MCM9: variants seen among roughly 807,000 people sequenced by gnomAD.
The protein encoded by MCM9 is minichromosome maintenance 9 homologous recombination repair factor.
MCM9 carries 55 observed loss-of-function variants against 72.8 expected under a neutral mutation model. The observed-to-expected ratio is 0.76, with a 90% CI of 0.61 to 0.95. MCM9 has a LOEUF of 0.95. MCM9 is among the 40% of genes least tolerant of loss of function. MCM9 has a pLI of 0.00. For synonymous variants in MCM9, 480 were observed against 503.4 expected, an observed-to-expected ratio of 0.95 and a Z score of 0.62; for missense variants, 1,279 against 1,377.0, an observed-to-expected ratio of 0.93 and a Z score of 1.13.
chr6:118,930,647 T>C (rs1440653349), intron 3 of MCM9, among the ~76,000 whole-genome samples: 2 of 152,176 alleles, frequency 1.3e-5, no homozygotes, highest in Non-Finnish European at 2.9e-5. Flanking sequence ...TGAGGCTCAG[T>C]GAGATAAAAT....
intron 13 of MCM9, among the ~76,000 whole-genome samples, chr6:118,817,297 C>A (rs1773471391): frequency 6.6e-6 from 1 of 151,014 alleles, no homozygotes; most frequent in Admixed American, 6.6e-5. Flanking sequence ...TTGTACCCCA[C>A]CCCCCAAAAG....
intron 13 of MCM9, among the ~76,000 whole-genome samples, chr6:118,816,755 T>C (rs1427442297): frequency 6.6e-6 from 1 of 152,202 alleles, no homozygotes; most frequent in Non-Finnish European, 1.5e-5. Flanking sequence ...GGAACCAAAG[T>C]GAAAGACTGG....
chr6:118,834,260 T>C (rs547197273), intron 9 of MCM9, among the ~76,000 whole-genome samples: 52 of 152,362 alleles, frequency 3.4e-4, no homozygotes, highest in African/African-American at 1.0e-3. Flanking sequence ...CAGTCTATCA[T>C]TGATGGGCAT....
chr6:118,868,024 G>A (rs1015927665), intron 8 of MCM9, among the ~76,000 whole-genome samples: 6 of 151,666 alleles, frequency 4.0e-5, no homozygotes, highest in Admixed American at 1.3e-4. Context: ...CTACAGGCAC[G>A]TGCCACCACG....
intron 3 of MCM9, among the ~76,000 whole-genome samples, chr6:118,927,789 G>T (rs1229526487): frequency 1.3e-5 from 2 of 152,168 alleles, no homozygotes; most frequent in East Asian, 1.9e-4. Flanking sequence ...TTCCTAGAAA[G>T]CTATCTTTAA....
chr6:118,888,108 C>A (rs1778712015), intron 8 of MCM9, among the ~76,000 whole-genome samples: 1 of 152,078 alleles, frequency 6.6e-6, no homozygotes, highest in African/African-American at 2.4e-5. Context: ...TGGCTATAAT[C>A]AAAAAGACAG....
At chr6:118,868,584 C>A (rs564263421) in intron 8 of MCM9, among the ~76,000 whole-genome samples, 43 of 151,816 alleles carry the variant, frequency 2.8e-4, no homozygotes, top group Middle Eastern at 3.4e-3. Flanking sequence ...GAAAAAAAAA[C>A]CCCATCAAAA....
At chr6:118,822,443 T>C (rs1432076753) in intron 13 of MCM9, among the ~76,000 whole-genome samples, 4 of 152,154 alleles carry the variant, frequency 2.6e-5, no homozygotes, top group Non-Finnish European at 5.9e-5. Flanking sequence ...GTATCACCAG[T>C]GGAGGGTGCA....
intron 13 of MCM9, among the ~76,000 whole-genome samples, chr6:118,824,433 C>T (rs1222773934): frequency 2.6e-5 from 4 of 151,430 alleles, no homozygotes; most frequent in African/African-American, 9.7e-5. Flanking sequence ...CTCAGCCTCC[C>T]GAGTAGCTGG....
At chr6:118,932,206 G>A (rs1782499036) in intron 2 of MCM9, among the ~76,000 whole-genome samples, 1 of 152,170 alleles carries the variant, frequency 6.6e-6, no homozygotes. Flanking sequence ...ATGATGTACA[G>A]GTTTATAGCC....
chr6:118,900,168 G>T (rs1463487775), intron 8 of MCM9, among the ~76,000 whole-genome samples: 1 of 145,800 alleles, frequency 6.9e-6, no homozygotes, highest in Non-Finnish European at 1.6e-5. Flanking sequence ...TATGACACAG[G>T]GGGGTGCCGT....
intron 9 of MCM9, among the ~76,000 whole-genome samples, chr6:118,840,710 G>T (rs1775298309): frequency 6.7e-6 from 1 of 148,840 alleles, no homozygotes. Context: ...ACCTTAAAAT[G>T]CTAGGTACAT....
rs200809179 is a variant in MCM9, at chr6:118,820,045, T to A, written c.1962-3751A>T. On this transcript the variant is annotated intron_variant, in intron 13 of 13. Coordinates refer to ENST00000619706, the MANE Select transcript of MCM9 (RefSeq NM_017696.3). ...TCATTAGTATGGCTAGCGGTCTATCTATTTTGTTAATCTTTTCAAAAAACC... is the reference window on the plus strand; with the variant it reads ...TCATTAGTATGGCTAGCGGTCTATCAATTTTGTTAATCTTTTCAAAAAACC... Among the ~76,000 whole-genome samples, 11 of 152,266 alleles carry A rather than the reference T, an allele frequency of 7.2e-5. No homozygotes were observed. In the East Asian group the frequency reaches 2.1e-3, roughly 29 times the overall value.
intron 8 of MCM9, among the ~76,000 whole-genome samples, chr6:118,858,067 T>C (rs1447732029): frequency 1.3e-5 from 2 of 152,144 alleles, no homozygotes; most frequent in Non-Finnish European, 1.5e-5. Flanking sequence ...AGACATATTA[T>C]AAGAAACCTA....
chr6:118,901,258 C>A (rs1779782298), intron 8 of MCM9, among the ~76,000 whole-genome samples: 3 of 152,160 alleles, frequency 2.0e-5, no homozygotes. Flanking sequence ...CTAAAACTAA[C>A]TGGCATTGTT....
In MCM9 at chr6:118,829,260, G is replaced by T. The variant is rs1479287976; in HGVS notation, c.1326-10C>A. 1.3e-6 allele frequency: 2 copies of T among 1,543,676 alleles called. No homozygotes were observed. The highest frequency in any genetic ancestry group is 4.0e-5 in the Admixed American group (2 of 50,566). ...CAGCTTGCACACGAGGCTGCCAGGA[G>T]AGACAGTACAATTCACTGATTGTGA... is the stretch of plus-strand genomic sequence containing the variant. On this transcript the variant is annotated splice_polypyrimidine_tract_variant and intron_variant, in intron 9 of 13. Transcript: ENST00000619706.
chr6:118,922,322 C>G (rs1439196820), intron 4 of MCM9, among the ~76,000 whole-genome samples: 1 of 152,056 alleles, frequency 6.6e-6, no homozygotes, highest in Non-Finnish European at 1.5e-5. Context: ...ATCTACCTTG[C>G]GGGTGGTCAA....
At chr6:118,888,775 A>G (rs1778764585) in intron 8 of MCM9, among the ~76,000 whole-genome samples, 1 of 152,222 alleles carries the variant, frequency 6.6e-6, no homozygotes, top group African/African-American at 2.4e-5. Context: ...TATATAACAC[A>G]ACATGAAAGA....
chr6:118,816,206 CT>C lies in MCM9; in HGVS notation c.2049del (p.Glu684AsnfsTer31). The C allele has an allele frequency of 6.4e-7, 1 of 1,550,486 alleles. No homozygotes were observed. The highest frequency in any genetic ancestry group is 8.7e-7 in the Non-Finnish European group (1 of 1,146,934). On this transcript the variant is annotated frameshift_variant, in exon 14 of 14. Transcript: ENST00000619706. LOFTEE classifies it low-confidence loss of function (END_TRUNC). The stretch of plus-strand genomic sequence containing the variant: ...TGTGATGAAGTTCTGAAGTTTGATT[CT>C]TCCCCTGGACCATTTCTCAAGGATC... ...TPGSLRNGPG[E>X]ESNFRTSSQQ...
Sources: allele counts gnomAD v4.1 joint callset (sites outside exome capture counted in the v4.1 genomes callset), GRCh38; gene constraint gnomAD v4.1.1; transcripts MANE v1.5; gene names NCBI Gene and HGNC (gene_info 2026-07-23, HGNC 2026-07-21).